Variants in FAM186A observed in about 807,000 individuals in gnomAD.
The protein encoded by FAM186A is protein FAM186A.
A neutral mutation model predicts 216.8 loss-of-function variants in FAM186A; 163 were observed. The observed-to-expected ratio is 0.75, with a 90% CI of 0.66 to 0.86. The LOEUF (loss-of-function observed/expected upper bound fraction) is 0.86. Among genes scored for constraint, FAM186A ranks in the 40% least tolerant of loss-of-function variants. The pLI, the probability that FAM186A is intolerant of heterozygous loss-of-function variation, is 0.00. For missense variants in FAM186A, 2,184 were observed against 2,746.2 expected, an observed-to-expected ratio of 0.80 and a Z score of 4.58; for synonymous variants, 805 against 1,025.3, an observed-to-expected ratio of 0.79 and a Z score of 4.10.
intron 1 of FAM186A, among the ~76,000 whole-genome samples, chr12:50,387,059 G>C (rs1044394110): frequency 1.3e-5 from 2 of 151,950 alleles, no homozygotes; most frequent in Non-Finnish European, 2.9e-5. Context: ...CCACCACCAA[G>C]CAGGGAACCA....
In FAM186A at chr12:50,351,478, T is replaced by C; in HGVS notation, c.5354A>G (p.Glu1785Gly). ...CTGTGGTGCCCCAAGCTTCCCAGGCTCAGAAAGAATCCCCATTTCTAGGGG... is the reference window on the plus strand; with the variant it reads ...CTGTGGTGCCCCAAGCTTCCCAGGCCCAGAAAGAATCCCCATTTCTAGGGG... ...GKPLEMGILS[E>G]PGKLGAPQTL... Residue 1785 changes from glutamate (E) to glycine (G), a missense_variant, in exon 4 of 8, where the codon GAG (glutamate) becomes GGG (glycine). By Grantham distance (98) the Glu-to-Gly change is moderately conservative. Coordinates refer to ENST00000327337, the MANE Select transcript of FAM186A (RefSeq NM_001145475.3). The C allele has an allele frequency of 6.7e-7, 1 of 1,482,168 alleles. No homozygotes were observed. The highest frequency in any genetic ancestry group is 8.9e-7 in the Non-Finnish European group (1 of 1,118,718). The allele number at this position is 1,482,168 out of a possible 1,614,324, so 91.8% of individuals were successfully genotyped here.
intron 4 of FAM186A, among the ~76,000 whole-genome samples, chr12:50,347,567 C>G (rs1942832210): frequency 6.6e-6 from 1 of 151,648 alleles, no homozygotes; most frequent in Admixed American, 6.6e-5. Flanking sequence ...CCCATCCCTA[C>G]TAAAAATACA....
At position 50,396,350 on chromosome 12, in the gene FAM186A, G is replaced by A. The variant is rs1272437374; in HGVS notation, c.135C>T (p.Phe45=). The part of the protein sequence containing the change: ...PLMLPNLEIP[F]SVKDIISRIE... ...TCCTAGAGATGATATCCTTTACTGA[G>A]AATGGGATCTCAAGGTTAGGGAGCA... is the stretch of plus-strand genomic sequence containing the variant. Residue 45 remains phenylalanine (F), a synonymous_variant, in exon 1 of 8, where the codon TTC becomes TTT. Coordinates refer to ENST00000327337, the MANE Select transcript of FAM186A (RefSeq NM_001145475.3). 5 of 1,551,632 alleles carry A rather than the reference G, an allele frequency of 3.2e-6. No homozygotes were observed. The highest frequency in any genetic ancestry group is 4.4e-6 in the Non-Finnish European group (5 of 1,146,994).
At position 50,331,806 on chromosome 12, in the gene FAM186A, C is replaced by T; in HGVS notation, c.6712G>A (p.Glu2238Lys). The change falls in exon 6 of 8, where the codon GAA (glutamate) becomes AAA (lysine). Residue 2238 changes from glutamate to lysine, a missense_variant. Glu to Lys is a moderately conservative substitution (Grantham distance 56). Coordinates refer to ENST00000327337, the MANE Select transcript of FAM186A (RefSeq NM_001145475.3). ...HVFNQLKKIH[E>K]LNLSQPIPLI... Reference sequence around the variant, plus strand: ...GGGATAGGTTGACTAAGATTCAATTCATGTATCTTTTTGAGCTATAAAAAA... The same window carrying T: ...GGGATAGGTTGACTAAGATTCAATTTATGTATCTTTTTGAGCTATAAAAAA... The T allele has an allele frequency of 1.3e-6, 2 of 1,528,728 alleles. No homozygotes were observed. Among genetic ancestry groups the T allele is most frequent in the Non-Finnish European group, 1.8e-6 (2 of 1,141,554 alleles). 94.7% of individuals were successfully genotyped at this position (1,528,728 alleles called of 1,614,324 possible).
At chr12:50,340,274 C>T (rs1329873093) in intron 4 of FAM186A, among the ~76,000 whole-genome samples, 3 of 152,156 alleles carry the variant, frequency 2.0e-5, no homozygotes, top group Admixed American at 1.3e-4. Flanking sequence ...CCACATCATA[C>T]GATATAATCA....
At chr12:50,362,675 C>T (rs547270155) in intron 2 of FAM186A, among the ~76,000 whole-genome samples, 1,695 of 130,240 alleles carry the variant, frequency 0.013, 14 homozygotes, top group South Asian at 0.025. Context: ...GCCTGGGAGG[C>T]GGGAGTTGCC....
rs1186091967 is a variant in FAM186A, at chr12:50,383,474, T to C, written c.192+12819A>G. ...AGCTGGGCGTGGTGGTGCACACCTGTAGTTCCAGCAACTTGGGAGGCTGAG... is the reference window on the plus strand; with the variant it reads ...AGCTGGGCGTGGTGGTGCACACCTGCAGTTCCAGCAACTTGGGAGGCTGAG... On this transcript the variant is annotated intron_variant, in intron 1 of 7. Coordinates refer to ENST00000327337, the MANE Select transcript of FAM186A (RefSeq NM_001145475.3). Among the ~76,000 whole-genome samples, 5 of 151,910 alleles carry C rather than the reference T, an allele frequency of 3.3e-5. No homozygotes were observed. The East Asian group carries it at 7.8e-4, about 24-fold the overall frequency.
intron 1 of FAM186A, among the ~76,000 whole-genome samples, chr12:50,375,343 T>C (rs371699755): frequency 1.9e-4 from 28 of 150,970 alleles, no homozygotes; most frequent in African/African-American, 6.1e-4. Flanking sequence ...AGGTCAGGAG[T>C]TTGAGGCCAG....
chr12:50,357,734 G>A (rs1465277293), intron 3 of FAM186A, among the ~76,000 whole-genome samples: 3 of 152,150 alleles, frequency 2.0e-5, no homozygotes, highest in African/African-American at 4.8e-5. Context: ...ACTTGGAGTC[G>A]CGTCCATCCT....
In FAM186A at chr12:50,376,729, C is replaced by CCT. The variant is rs1369758295; in HGVS notation, c.193-13367_193-13366dup. 1.2e-3 allele frequency among the ~76,000 whole-genome samples: 167 copies of CCT among 140,618 alleles called. 2 individuals are homozygous for CCT. Among genetic ancestry groups the CCT allele is most frequent in the African/African-American group, 4.2e-3 (159 of 38,240 alleles). The allele number at this position is 140,618 out of a possible 152,430, so 92.3% of individuals were successfully genotyped here. On this transcript the variant is annotated intron_variant, in intron 1 of 7. Transcript: ENST00000327337. ...GCAATGTGGGTCAAACCTCCTTTTACCTCTCTCTCTCTCTCTCTTTTTTTT... is the reference window on the plus strand; with the variant it reads ...GCAATGTGGGTCAAACCTCCTTTTACCTCTCTCTCTCTCTCTCTCTTTTTTTT...
intron 1 of FAM186A, among the ~76,000 whole-genome samples, chr12:50,365,111 T>C (rs1171237707): frequency 6.7e-6 from 1 of 150,256 alleles, no homozygotes; most frequent in Admixed American, 6.7e-5. Context: ...TTTCCAGGAA[T>C]ACAAATACTA....
At chr12:50,362,676 G>A (rs1414872501) in intron 2 of FAM186A, among the ~76,000 whole-genome samples, 8 of 150,598 alleles carry the variant, frequency 5.3e-5, no homozygotes, top group African/African-American at 1.2e-4. Flanking sequence ...CCTGGGAGGC[G>A]GGAGTTGCCT....
chr12:50,380,117 G>A (rs1456427207), intron 1 of FAM186A, among the ~76,000 whole-genome samples: 1 of 152,134 alleles, frequency 6.6e-6, no homozygotes, highest in Non-Finnish European at 1.5e-5. Context: ...CTGTATTTGG[G>A]CTGACCCAAA....
intron 1 of FAM186A, among the ~76,000 whole-genome samples, chr12:50,373,062 A>T (rs1272853968): frequency 6.8e-6 from 1 of 147,692 alleles, no homozygotes. Context: ...AAAGAAAGAA[A>T]GAAAGAAAGA....
chr12:50,393,177 C>T (rs961235063), intron 1 of FAM186A, among the ~76,000 whole-genome samples: 10 of 151,570 alleles, frequency 6.6e-5, no homozygotes, highest in African/African-American at 1.2e-4. Context: ...CCGCCCGCCT[C>T]GCCTCCAAAG....
rs1432193856 is a variant in FAM186A at position 50,358,002 on chromosome 12, AAATG to A, written c.584-1758_584-1755del. Among the ~76,000 whole-genome samples, 5 of 122,166 alleles carry A rather than the reference AAATG, an allele frequency of 4.1e-5. No individual in the cohort carries two copies. The South Asian group carries it at 8.2e-4, about 20-fold the overall frequency. 80.1% of individuals were successfully genotyped at this position (122,166 alleles called of 152,430 possible). On this transcript the variant is annotated intron_variant, in intron 3 of 7. Coordinates refer to ENST00000327337, the MANE Select transcript of FAM186A (RefSeq NM_001145475.3). ...TAAATAAATAAATAAATAAATAAAT[AAATG>A]AAAAGAAATCATACAAAGTATGTTT...
At chr12:50,385,064 C>T (rs888764997) in intron 1 of FAM186A, among the ~76,000 whole-genome samples, 1 of 151,684 alleles carries the variant, frequency 6.6e-6, no homozygotes, top group African/African-American at 2.4e-5. Context: ...CTTGGCCTCC[C>T]AAAGTGCTGG....
chr12:50,330,021 T>C (rs1440997231), intron 7 of FAM186A, among the ~76,000 whole-genome samples: 3 of 152,326 alleles, frequency 2.0e-5, no homozygotes, highest in African/African-American at 7.2e-5. Context: ...AATAATTATC[T>C]GTCCTGAAAG....
At chr12:50,348,014 A>G (rs540421814) in intron 4 of FAM186A, among the ~76,000 whole-genome samples, 1 of 145,094 alleles carries the variant, frequency 6.9e-6, no homozygotes, top group Non-Finnish European at 1.5e-5. Flanking sequence ...CTGGGACTAC[A>G]GGTGTGAGCC....
Sources: gnomAD v4.1 joint callset for allele counts (sites outside exome capture counted in the v4.1 genomes callset) on GRCh38, gnomAD v4.1.1 for gene constraint, MANE v1.5 for transcripts, NCBI Gene and HGNC (gene_info 2026-07-23, HGNC 2026-07-21) for gene names.